Variants in CCDC91 observed in about 807,000 individuals in gnomAD.
The protein encoded by CCDC91 is coiled-coil domain-containing protein 91.
CCDC91 carries 48 observed loss-of-function variants against 63.2 expected under a neutral mutation model. The ratio of observed to expected loss-of-function variants is 0.76; its 90% CI spans 0.60 to 0.97. CCDC91 has a LOEUF of 0.97. Ranked by LOEUF, CCDC91 falls within the 50% of genes least tolerant of loss-of-function variation. CCDC91 has a pLI of 0.00. For synonymous variants in CCDC91, 167 were observed against 165.8 expected, an observed-to-expected ratio of 1.01 and a Z score of -0.06; for missense variants, 500 against 494.6, an observed-to-expected ratio of 1.01 and a Z score of -0.10.
In CCDC91 at chr12:28,335,257, C is replaced by CATATAAT. The variant is rs1014086013; in HGVS notation, c.577-27165_577-27159dup. 3.9e-5 allele frequency among the ~76,000 whole-genome samples: 5 copies of CATATAAT among 129,614 alleles called. No homozygotes were observed. The East Asian group carries it at 6.2e-4, about 16-fold the overall frequency. 85.0% of individuals were successfully genotyped at this position (129,614 alleles called of 152,430 possible). A position where few individuals can be genotyped will look rare whatever the true frequency, so the allele number is the denominator to read the frequency against. On this transcript the variant is annotated intron_variant, in intron 6 of 12. Transcript: ENST00000536442. ...TAGTATACTTATATAATATATAATA[C>CATATAAT]ATATAATATATAATATATAATACAT...
At chr12:28,214,183 G>A (rs1411798373) in intron 1 of CCDC91, among the ~76,000 whole-genome samples, 1 of 152,070 alleles carries the variant, frequency 6.6e-6, no homozygotes, top group African/African-American at 2.4e-5. Context: ...TTCTAGCCTG[G>A]TCACTTTGGA....
intron 12 of CCDC91, among the ~76,000 whole-genome samples, chr12:28,546,000 G>A (rs912279175): frequency 2.7e-4 from 41 of 151,992 alleles, no homozygotes; most frequent in African/African-American, 9.7e-4. Flanking sequence ...TGTTCTGGGC[G>A]ATTTGTGAAG....
chr12:28,339,539 A>C (rs960437650), intron 6 of CCDC91, among the ~76,000 whole-genome samples: 25 of 152,122 alleles, frequency 1.6e-4, no homozygotes, highest in African/African-American at 2.2e-4. Context: ...GAAAAAAAAA[A>C]CAATAAAAAT....
chr12:28,450,294 T>C, intron 9 of CCDC91, 41 bp downstream of exon 9: 1 of 1,580,902 alleles, frequency 6.3e-7, no homozygotes, highest in Non-Finnish European at 8.7e-7. Context: ...AAGAATGTGT[T>C]CTGTTACCTC....
At chr12:28,545,875 T>C (rs1002145033) in intron 12 of CCDC91, among the ~76,000 whole-genome samples, 48 of 152,114 alleles carry the variant, frequency 3.2e-4, no homozygotes, top group African/African-American at 1.1e-3. Flanking sequence ...TGAATGCTTG[T>C]TACACATTGT....
At position 28,377,621 on chromosome 12, in the gene CCDC91, G is replaced by C. The variant is rs568430497; in HGVS notation, c.655-13683G>C. On this transcript the variant is annotated intron_variant, in intron 7 of 12. Transcript: ENST00000536442. The stretch of plus-strand genomic sequence containing the variant: ...ATTACATTCATTTTGAAACCAGAAG[G>C]GTTTATTTTTTAATTTTTTTATATC... Among the ~76,000 whole-genome samples the C allele has an allele frequency of 4.6e-5, 7 of 151,640 alleles. No individual in the cohort carries two copies. The South Asian group carries it at 6.2e-4, about 14-fold the overall frequency.
chr12:28,358,644 GGC>G (rs1229907790), intron 6 of CCDC91, among the ~76,000 whole-genome samples: 1 of 152,120 alleles, frequency 6.6e-6, no homozygotes, highest in African/African-American at 2.4e-5. Context: ...ATATAGTGGG[GGC>G]ACACAGGAAT....
chr12:28,240,542 GA>G (rs1456488842), intron 1 of CCDC91, among the ~76,000 whole-genome samples: 1 of 152,046 alleles, frequency 6.6e-6, no homozygotes, highest in African/African-American at 2.4e-5. Flanking sequence ...GCAATTGAAG[GA>G]AAAACTCAGT....
intron 1 of CCDC91, among the ~76,000 whole-genome samples, chr12:28,220,953 T>C (rs1943899206): frequency 6.6e-6 from 1 of 152,132 alleles, no homozygotes; most frequent in South Asian, 2.1e-4. Flanking sequence ...TTCTTTAGCT[T>C]CTTGGGTCTC....
intron 6 of CCDC91, among the ~76,000 whole-genome samples, chr12:28,321,703 A>G (rs1940520307): frequency 6.6e-6 from 1 of 151,848 alleles, no homozygotes. Flanking sequence ...CCCTCACCGG[A>G]AAATGATCAT....
chr12:28,493,562 GCCCCAA>G (rs1952124483), intron 12 of CCDC91, among the ~76,000 whole-genome samples: 1 of 151,580 alleles, frequency 6.6e-6, no homozygotes, highest in Admixed American at 6.6e-5. Context: ...CATGGAATAT[GCCCCAA>G]CATGTAAGGA....
At chr12:28,528,760 GA>G (rs1488846526) in intron 12 of CCDC91, among the ~76,000 whole-genome samples, 3 of 151,992 alleles carry the variant, frequency 2.0e-5, no homozygotes, top group Non-Finnish European at 1.5e-5. Context: ...TGTTTTTTTA[GA>G]GACAGTGTCT....
At chr12:28,497,424 G>A (rs538325967) in intron 12 of CCDC91, among the ~76,000 whole-genome samples, 1 of 151,618 alleles carries the variant, frequency 6.6e-6, no homozygotes, top group African/African-American at 2.4e-5. Context: ...AGGTTTTTTG[G>A]TATCTGTTTT....
chr12:28,372,186 C>T (rs1265621726), intron 7 of CCDC91, among the ~76,000 whole-genome samples: 1 of 152,156 alleles, frequency 6.6e-6, no homozygotes, highest in African/African-American at 2.4e-5. Context: ...TATTCTGTTA[C>T]ATTGGTCTAA....
At chr12:28,526,247 G>T (rs1221905466) in intron 12 of CCDC91, among the ~76,000 whole-genome samples, 3 of 151,156 alleles carry the variant, frequency 2.0e-5, no homozygotes, top group African/African-American at 7.3e-5. Flanking sequence ...TCCAGAATTT[G>T]TTTCAAGATT....
intron 6 of CCDC91, among the ~76,000 whole-genome samples, chr12:28,328,592 T>G (rs1335830994): frequency 6.6e-6 from 1 of 152,176 alleles, no homozygotes; most frequent in East Asian, 1.9e-4. Flanking sequence ...GCAGTAATGA[T>G]CCCTTAAAAT....
At chr12:28,304,362 G>A (rs1322541079) in intron 3 of CCDC91, among the ~76,000 whole-genome samples, 1 of 124,798 alleles carries the variant, frequency 8.0e-6, no homozygotes, top group Non-Finnish European at 1.6e-5. Context: ...GGGTAACGGG[G>A]TGAGACTCCG....
At chr12:28,251,393 A>C (rs1229935872) in intron 1 of CCDC91, among the ~76,000 whole-genome samples, 5 of 152,064 alleles carry the variant, frequency 3.3e-5, no homozygotes, top group Non-Finnish European at 7.4e-5. Flanking sequence ...TATAATGGAG[A>C]CTATTATGAA....
chr12:28,503,756 TA>T (rs1282843952), intron 12 of CCDC91, among the ~76,000 whole-genome samples: 1 of 152,014 alleles, frequency 6.6e-6, no homozygotes. Flanking sequence ...TATGCAGCCA[TA>T]AAAAATGATG....
Sources: allele counts gnomAD v4.1 joint callset (sites outside exome capture counted in the v4.1 genomes callset), GRCh38; gene constraint gnomAD v4.1.1; transcripts MANE v1.5; gene names NCBI Gene and HGNC (gene_info 2026-07-23, HGNC 2026-07-21).